Variants in IREB2 observed in about 807,000 individuals in gnomAD.
IREB2 encodes iron-responsive element-binding protein 2.
Under a neutral mutation model 118.8 loss-of-function variants are expected in IREB2, and 39 were observed. The observed-to-expected ratio is 0.33, with a 90% CI of 0.25 to 0.43. IREB2 has a LOEUF of 0.43. IREB2 is among the 20% of genes least tolerant of loss of function. The probability of loss-of-function intolerance (pLI) is 1.00; values close to 1 mark genes in which losing one functional copy is unlikely to be tolerated. For synonymous variants in IREB2, 372 were observed against 392.2 expected, an observed-to-expected ratio of 0.95 and a Z score of 0.61; for missense variants, 900 against 1,147.3, an observed-to-expected ratio of 0.78 and a Z score of 3.11.
intron 2 of IREB2, among the ~76,000 whole-genome samples, chr15:78,443,626 GT>G (rs560552550): frequency 1.3e-5 from 2 of 150,984 alleles, no homozygotes; most frequent in African/African-American, 4.9e-5. Flanking sequence ...TTTTTGTGGG[GT>G]TTTTTTTGTT....
At chr15:78,459,308 T>C (rs188916128) in intron 2 of IREB2, among the ~76,000 whole-genome samples, 80 of 152,032 alleles carry the variant, frequency 5.3e-4, no homozygotes, top group Admixed American at 1.6e-3. Flanking sequence ...AATTAAGTAA[T>C]CCCTTAATAT....
intron 2 of IREB2, among the ~76,000 whole-genome samples, chr15:78,453,086 G>T (rs146733852): frequency 6.6e-6 from 1 of 152,312 alleles, no homozygotes; most frequent in East Asian, 1.9e-4. Context: ...AGAGCAAGAC[G>T]CTATCGTGTA....
intron 9 of IREB2, among the ~76,000 whole-genome samples, chr15:78,477,367 A>G (rs1462485775): frequency 6.6e-6 from 1 of 152,134 alleles, no homozygotes; most frequent in Non-Finnish European, 1.5e-5. Context: ...CTCAACTGCA[A>G]GATTTGAAAG....
At position 78,439,784 on chromosome 15, in the gene IREB2, T is replaced by G. The variant is rs761593529; in HGVS notation, c.20-11T>G. ...TTGCTGCATTTAATGAAAATACAATTTTTTTTTCAGGATACGCCTTTGAGT... is the reference window on the plus strand; with the variant it reads ...TTGCTGCATTTAATGAAAATACAATGTTTTTTTCAGGATACGCCTTTGAGT... On this transcript the variant is annotated splice_polypyrimidine_tract_variant and intron_variant, in intron 1 of 21. Transcript: ENST00000258886. The G allele has an allele frequency of 4.6e-6, 7 of 1,510,090 alleles. No homozygotes were observed. Among genetic ancestry groups the G allele is most frequent in the Non-Finnish European group, 6.3e-6 (7 of 1,103,528 alleles). 93.5% of individuals were successfully genotyped at this position (1,510,090 alleles called of 1,614,324 possible).
chr15:78,455,791 T>C (rs778471396), intron 2 of IREB2, among the ~76,000 whole-genome samples: 1 of 152,190 alleles, frequency 6.6e-6, no homozygotes, highest in East Asian at 1.9e-4. Flanking sequence ...AGAAAAGATA[T>C]TTGTTATCTA....
At chr15:78,458,338 T>C (rs537299645) in intron 2 of IREB2, among the ~76,000 whole-genome samples, 2 of 152,280 alleles carry the variant, frequency 1.3e-5, no homozygotes, top group East Asian at 1.9e-4. Flanking sequence ...GTAATAAATA[T>C]ACAGCTCTGG....
rs528724087 is a variant in IREB2 at position 78,474,274 on chromosome 15, T to A, written c.1023+893T>A. On this transcript the variant is annotated intron_variant, in intron 8 of 21. Transcript: ENST00000258886. ...TCAGCATTTTTGGTTAGATTATTGG[T>A]ACGAAGGCTTTCCGGATACTCCAGT... 80 of 152,356 alleles carry A rather than the reference T, an allele frequency of 5.3e-4. 1 individual carries two copies. The highest frequency in any genetic ancestry group is 1.9e-3 in the African/African-American group (77 of 41,574). 9.4% of individuals were successfully genotyped at this position (152,356 alleles called of 1,614,324 possible).
chr15:78,446,682 A>T (rs1206165119), intron 2 of IREB2, among the ~76,000 whole-genome samples: 2 of 151,902 alleles, frequency 1.3e-5, no homozygotes, highest in African/African-American at 4.8e-5. Flanking sequence ...CTGTGTCCTG[A>T]TTACACATTT....
chr15:78,458,919 C>T (rs2051150289), intron 2 of IREB2, among the ~76,000 whole-genome samples: 1 of 151,878 alleles, frequency 6.6e-6, no homozygotes, highest in Non-Finnish European at 1.5e-5. Flanking sequence ...CCATCTCAGC[C>T]TCCCAAGGAG....
At chr15:78,461,875 T>C (rs1567168534) in intron 2 of IREB2, among the ~76,000 whole-genome samples, 1 of 152,218 alleles carries the variant, frequency 6.6e-6, no homozygotes, top group Non-Finnish European at 1.5e-5. Flanking sequence ...AATGACTGAA[T>C]ATAGTTTTCT....
chr15:78,477,197 A>G (rs1188140038), intron 9 of IREB2, among the ~76,000 whole-genome samples: 1 of 152,206 alleles, frequency 6.6e-6, no homozygotes, highest in Non-Finnish European at 1.5e-5. Context: ...CGTTCCTTGC[A>G]TATTAATCTT....
intron 9 of IREB2, 167 bp downstream of exon 9, chr15:78,476,526 C>T: frequency 2.0e-6 from 1 of 494,532 alleles, no homozygotes; most frequent in Non-Finnish European, 3.5e-6. Context: ...AGTGTTGTGT[C>T]CTCAAACCCT....
intron 2 of IREB2, among the ~76,000 whole-genome samples, chr15:78,455,795 T>G (rs1327327744): frequency 1.3e-5 from 2 of 152,236 alleles, no homozygotes; most frequent in African/African-American, 4.8e-5. Flanking sequence ...AAGATATTTG[T>G]TATCTATTAC....
chr15:78,443,257 T>C (rs1256641565), intron 2 of IREB2, among the ~76,000 whole-genome samples: 1 of 152,238 alleles, frequency 6.6e-6, no homozygotes, highest in African/African-American at 2.4e-5. Flanking sequence ...AAGTATCTTA[T>C]TGTGCTGTTC....
chr15:78,493,854 G>A, intron 18 of IREB2, 55 bp from the exon 19 acceptor site: 1 of 1,544,738 alleles, frequency 6.5e-7, no homozygotes, highest in South Asian at 1.2e-5. Flanking sequence ...CAGCTCAATA[G>A]TATGTGATTA....
intron 2 of IREB2, among the ~76,000 whole-genome samples, chr15:78,447,891 G>A (rs2568493): frequency 0.77 from 116,777 of 152,206 alleles, 45,014 homozygotes; most frequent in African/African-American, 0.81. Context: ...CGAACTCCCT[G>A]TGCCACTGGC....
At chr15:78,480,686 T>TTAA (rs1555408696) in intron 10 of IREB2, among the ~76,000 whole-genome samples, 8 of 89,742 alleles carry the variant, frequency 8.9e-5, no homozygotes, top group Non-Finnish European at 1.6e-4. Context: ...GAGACTGTCT[T>TTAA]AAAAAAAAAA....
At chr15:78,476,064 T>C (rs1393136994) in intron 8 of IREB2, 124 bp from the exon 9 acceptor site, 1 of 604,160 alleles carries the variant, frequency 1.7e-6, no homozygotes, top group East Asian at 2.8e-5. Flanking sequence ...ATAAGGACAA[T>C]GAAGGATCTC....
upstream of IREB2, chr15:78,438,124 G>A (rs1036452943): frequency 3.5e-6 from 2 of 566,784 alleles, no homozygotes; most frequent in African/African-American, 3.8e-5. Context: ...CCCTTTCTTT[G>A]TTTTCCTGTC....
Sources: allele counts gnomAD v4.1 joint callset (sites outside exome capture counted in the v4.1 genomes callset), GRCh38; gene constraint gnomAD v4.1.1; transcripts MANE v1.5; gene names NCBI Gene and HGNC (gene_info 2026-07-23, HGNC 2026-07-21).